Variants in SSH1 observed in about 807,000 individuals in gnomAD.
The protein encoded by SSH1 is slingshot protein phosphatase 1.
SSH1 carries 43 observed loss-of-function variants against 79.7 expected under a neutral mutation model. The ratio of observed to expected loss-of-function variants is 0.54; its 90% confidence interval spans 0.42 to 0.70. SSH1 has a LOEUF of 0.70. Ranked by LOEUF, SSH1 falls within the 30% of genes least tolerant of loss-of-function variation. SSH1 has a pLI of 0.00. For synonymous variants in SSH1, 599 were observed against 538.3 expected, an observed-to-expected ratio of 1.11 and a Z score of -1.56; for missense variants, 1,206 against 1,358.8, an observed-to-expected ratio of 0.89 and a Z score of 1.77.
chr12:108,833,213 A>G (rs1042999983), intron 2 of SSH1, among the ~76,000 whole-genome samples: 2 of 151,364 alleles, frequency 1.3e-5, no homozygotes, highest in Non-Finnish European at 2.9e-5. Context: ...TTGGTTTAGC[A>G]AATTTTAAGA....
intron 1 of SSH1, chr12:108,853,127 A>C (rs561681896): frequency 2.0e-6 from 2 of 985,422 alleles, no homozygotes; most frequent in East Asian, 2.3e-4. Context: ...AAACCAACCC[A>C]GGCAAGACTT....
chr12:108,817,587 C>G (rs1223051547), intron 4 of SSH1, among the ~76,000 whole-genome samples: 3 of 152,062 alleles, frequency 2.0e-5, no homozygotes, highest in African/African-American at 4.8e-5. Flanking sequence ...ACAACAACAA[C>G]ACAACAAAAC....
chr12:108,845,908 G>A (rs968552725), intron 2 of SSH1, among the ~76,000 whole-genome samples: 1 of 152,206 alleles, frequency 6.6e-6, no homozygotes. Context: ...GCCAAGGGCA[G>A]GGAGGAACCC....
chr12:108,834,803 C>T (rs759737912), intron 2 of SSH1, among the ~76,000 whole-genome samples: 1 of 152,156 alleles, frequency 6.6e-6, no homozygotes, highest in African/African-American at 2.4e-5. Context: ...GATGCACATG[C>T]TTTTTAAATC....
chr12:108,802,424 C>T, intron 10 of SSH1, 56 bp from the exon 11 acceptor site: 1 of 1,546,654 alleles, frequency 6.5e-7, no homozygotes, highest in East Asian at 2.2e-5. Flanking sequence ...CTCAGAGCTG[C>T]TCAGGGGATG....
intron 2 of SSH1, chr12:108,827,417 G>A: frequency 1.4e-6 from 2 of 1,405,016 alleles, no homozygotes; most frequent in Non-Finnish European, 1.9e-6. Flanking sequence ...TGCTCCCTAT[G>A]GAGATCAGGA....
At chr12:108,834,440 T>C (rs952665083) in intron 2 of SSH1, 1 of 152,270 alleles carries the variant, frequency 6.6e-6, no homozygotes, top group East Asian at 1.9e-4. Flanking sequence ...AAGGGTTAAG[T>C]CACTTGCTCA....
At chr12:108,844,018 C>T (rs2038838603) in intron 2 of SSH1, among the ~76,000 whole-genome samples, 1 of 152,134 alleles carries the variant, frequency 6.6e-6, no homozygotes. Context: ...AAAAGGAAGA[C>T]ACGAATCATT....
At chr12:108,801,099 A>G (rs1264388430) in intron 11 of SSH1, among the ~76,000 whole-genome samples, 173 bp from the exon 12 acceptor site, 3 of 152,202 alleles carry the variant, frequency 2.0e-5, no homozygotes, top group Non-Finnish European at 2.9e-5. Flanking sequence ...TATTTTCTAA[A>G]TGCCCTCTCA....
At chr12:108,816,995 T>C in intron 5 of SSH1, 43 bp downstream of exon 5, 1 of 1,611,852 alleles carries the variant, frequency 6.2e-7, no homozygotes, top group Non-Finnish European at 8.5e-7. Context: ...GCAGCAACTC[T>C]TGCCTCCCTC....
chr12:108,828,874 G>A (rs1023927252), intron 2 of SSH1, among the ~76,000 whole-genome samples: 1 of 152,212 alleles, frequency 6.6e-6, no homozygotes, highest in Non-Finnish European at 1.5e-5. Context: ...CAAGGCTGTA[G>A]GAGGTACTTA....
rs747707612 is a variant in SSH1 at position 108,792,665 on chromosome 12, G to T, written c.1514C>A (p.Pro505His). ...LDDAAQPGLG[P>H]PLPCCFRRLS... The stretch of plus-strand genomic sequence containing the variant: ...TCGCCGGAAACAGCAGGGGAGGGGG[G>T]GCCCTAAGCCGGGCTGGGCGGCATC... Residue 505 changes from proline (P) to histidine (H), a missense_variant, in exon 14 of 15, where the codon CCC becomes CAC. This residue lies in a region of SSH1 where 709 missense variants were observed against 730.6 expected (regional missense o/e 0.97). Transcript: ENST00000326495. 2 of 1,612,024 alleles carry T rather than the reference G, an allele frequency of 1.2e-6. No individual in the cohort carries two copies. Among genetic ancestry groups the T allele is most frequent in the South Asian group, 2.2e-5 (2 of 91,076 alleles).
chr12:108,806,919 C>A (rs1486567500), intron 8 of SSH1, among the ~76,000 whole-genome samples: 1 of 152,238 alleles, frequency 6.6e-6, no homozygotes, highest in Non-Finnish European at 1.5e-5. Flanking sequence ...TACCCTTCCT[C>A]CGTGATTTCA....
Position 108,807,908 on chromosome 12 carries a change from T to C in SSH1, c.537-81A>G, listed in dbSNP as rs947244475. ...TTCTCCTCTGACAAAGGGGTTCAAATACGGGAAGGGAAGGGCAATGATTGA... is the reference window on the plus strand; with the variant it reads ...TTCTCCTCTGACAAAGGGGTTCAAACACGGGAAGGGAAGGGCAATGATTGA... On this transcript the variant is annotated intron_variant, in intron 7 of 14. Coordinates refer to ENST00000326495, the MANE Select transcript of SSH1 (RefSeq NM_018984.4). This position sits in a 1 kb window ranked among gnomAD's most constrained non-coding sequence, Gnocchi z 5.2. The C allele has an allele frequency of 3.6e-5, 46 of 1,272,494 alleles. 1 individual carries two copies. In the South Asian group the frequency reaches 5.4e-4, roughly 15 times the overall value. 78.8% of individuals were successfully genotyped at this position (1,272,494 alleles called of 1,614,324 possible).
At chr12:108,801,610 T>G (rs2037009427) in intron 11 of SSH1, among the ~76,000 whole-genome samples, 1 of 152,172 alleles carries the variant, frequency 6.6e-6, no homozygotes, top group Non-Finnish European at 1.5e-5. Context: ...GTTGAAAGAA[T>G]GCATCTTAAC....
Position 108,787,913 on chromosome 12 carries a change from G to A in SSH1, c.*75C>T. The A allele has an allele frequency of 4.4e-6, 7 of 1,575,390 alleles. No individual in the cohort carries two copies. Among genetic ancestry groups the A allele is most frequent in the Non-Finnish European group, 6.1e-6 (7 of 1,147,782 alleles). ...AAGGGAAATCAAGATGTAAGGGGTC[G>A]ATCCAAATCCACAGTGAAAGTGAGG... On this transcript the variant is annotated 3_prime_UTR_variant, in exon 15 of 15. Transcript: ENST00000326495.
intron 2 of SSH1, among the ~76,000 whole-genome samples, chr12:108,845,135 G>A (rs2038868139): frequency 6.6e-6 from 1 of 150,706 alleles, no homozygotes; most frequent in Non-Finnish European, 1.5e-5. Flanking sequence ...CTTGAACCCA[G>A]GAGGCAGAGG....
chr12:108,778,691 T>C lies in SSH1; in HGVS notation c.*9297A>G, dbSNP rs2036120120. On this transcript the variant is annotated 3_prime_UTR_variant, in exon 15 of 15. Coordinates refer to ENST00000326495, the MANE Select transcript of SSH1 (RefSeq NM_018984.4). ...TTCACCAATGACCCCATGAAGTAGG[T>C]AGCATTGTCAGTTTGTTCTGATCCA... The C allele has an allele frequency of 6.5e-6, 1 of 152,838 alleles. No individual in the cohort carries two copies. The highest frequency in any genetic ancestry group is 2.1e-4 in the South Asian group (1 of 4,852). 9.5% of individuals were successfully genotyped at this position (152,838 alleles called of 1,614,324 possible). A position where few individuals can be genotyped will look rare whatever the true frequency, so the allele number is the denominator to read the frequency against.
chr12:108,822,930 T>C lies in SSH1; in HGVS notation c.214+328A>G, dbSNP rs538149520. Among the ~76,000 whole-genome samples the C allele has an allele frequency of 9.7e-4, 148 of 152,364 alleles. 1 individual carries two copies. Among genetic ancestry groups the C allele is most frequent in the Non-Finnish European group, 1.7e-3 (119 of 68,036 alleles). On this transcript the variant is annotated intron_variant, in intron 3 of 14. Coordinates refer to ENST00000326495, the MANE Select transcript of SSH1 (RefSeq NM_018984.4). Reference sequence around the variant, plus strand: ...TATTTTCAAGTGGACGACATCTGGCTATAATTCATTTTGGTGCATTTGTTA... The same window carrying C: ...TATTTTCAAGTGGACGACATCTGGCCATAATTCATTTTGGTGCATTTGTTA...
Sources: allele counts gnomAD v4.1 joint callset (sites outside exome capture counted in the v4.1 genomes callset), GRCh38; gene constraint gnomAD v4.1.1; regional missense constraint gnomAD v4.1.1; non-coding constraint Gnocchi (gnomAD v3.1); transcripts MANE v1.5; gene names NCBI Gene and HGNC (gene_info 2026-07-23, HGNC 2026-07-21).